Variants in RASSF3 observed in about 807,000 individuals in gnomAD.
RASSF3 encodes the protein Ras association domain family member 3, also known as ras association domain-containing protein 3.
RASSF3 carries 19 observed loss-of-function variants against 19.9 expected under a neutral mutation model. That is an observed-to-expected ratio of 0.96 (90% CI 0.67 to 1.40). RASSF3 has a LOEUF of 1.40. Ranked by LOEUF, RASSF3 falls within the 40% of genes most tolerant of loss-of-function variation. RASSF3 has a pLI of 0.00. For synonymous variants in RASSF3, 110 were observed against 104.2 expected (o/e 1.06, Z -0.34); for missense variants, 306 against 289.8 (o/e 1.06, Z -0.41).
In RASSF3 at chr12:64,547,515, G is replaced by A. The variant is rs1422312282; in HGVS notation, c.294+5810G>A. Among the ~76,000 whole-genome samples, 6 of 151,904 alleles carry A rather than the reference G, an allele frequency of 3.9e-5. No homozygotes were observed. In the South Asian group the frequency reaches 1.0e-3, roughly 26 times the overall value. On this transcript the variant is annotated intron_variant, in intron 2 of 5. Coordinates refer to the RASSF3 transcript ENST00000637125. The stretch of plus-strand genomic sequence containing the variant: ...GCAGGAGGCGGAGGTTGCAGTGAGC[G>A]GAGATCATGTCACTGCATTCCAGCC...
chr12:64,632,047 G>A (rs1871185598), intron 1 of RASSF3, among the ~76,000 whole-genome samples: 1 of 152,170 alleles, frequency 6.6e-6, no homozygotes, highest in Non-Finnish European at 1.5e-5. Context: ...GAGTGGAGGA[G>A]AAGTTCAATC....
intron 1 of RASSF3, among the ~76,000 whole-genome samples, chr12:64,674,533 G>A (rs1032650938): frequency 2.0e-5 from 3 of 152,176 alleles, no homozygotes; most frequent in Non-Finnish European, 4.4e-5. Context: ...GTGAGCCGAT[G>A]TGGCCCCACT....
intron 2 of RASSF3, among the ~76,000 whole-genome samples, chr12:64,565,679 C>T (rs370749723): frequency 4.1e-4 from 62 of 152,192 alleles, no homozygotes; most frequent in African/African-American, 1.4e-3. Context: ...CGCCATTGCA[C>T]TCCAGCCTGG....
chr12:64,679,153 C>T (rs2136214340), intron 1 of RASSF3, among the ~76,000 whole-genome samples: 1 of 152,366 alleles, frequency 6.6e-6, no homozygotes, highest in South Asian at 2.1e-4. Context: ...ACCTCTGCCT[C>T]CCAGGTTCAA....
intron 2 of RASSF3, among the ~76,000 whole-genome samples, chr12:64,599,470 T>C (rs189903744): frequency 7.6e-4 from 116 of 152,316 alleles, no homozygotes; most frequent in Middle Eastern, 3.4e-3. Flanking sequence ...ACAATCTCTG[T>C]CACACAAAGA....
At chr12:64,620,553 A>T (rs900627203) in intron 1 of RASSF3, among the ~76,000 whole-genome samples, 2 of 152,212 alleles carry the variant, frequency 1.3e-5, no homozygotes, top group Non-Finnish European at 2.9e-5. Flanking sequence ...ATTTAAACCC[A>T]GGATTATGGA....
At chr12:64,637,334 A>C (rs1871357001) in intron 1 of RASSF3, among the ~76,000 whole-genome samples, 1 of 152,126 alleles carries the variant, frequency 6.6e-6, no homozygotes, top group Admixed American at 6.5e-5. Flanking sequence ...TGTGTTTGAA[A>C]AGTTTAGATT....
intron 1 of RASSF3, among the ~76,000 whole-genome samples, chr12:64,524,972 G>C (rs2141764): frequency 0.67 from 101,430 of 152,064 alleles, 34,074 homozygotes; most frequent in East Asian, 0.79. Context: ...TTGCTCTACA[G>C]CTCTTTGAAA....
chr12:64,537,030 C>T (rs1330296798), intron 1 of RASSF3, among the ~76,000 whole-genome samples: 2 of 152,224 alleles, frequency 1.3e-5, no homozygotes, highest in Non-Finnish European at 2.9e-5. Context: ...TGCTCATCTT[C>T]TTGACTTCTC....
At chr12:64,638,817 G>A (rs982966445) in intron 1 of RASSF3, among the ~76,000 whole-genome samples, 1 of 152,076 alleles carries the variant, frequency 6.6e-6, no homozygotes, top group Non-Finnish European at 1.5e-5. Flanking sequence ...GTTGAACCTT[G>A]ATTTTGAGAT....
chr12:64,665,702 T>C (rs1297226007), intron 1 of RASSF3, among the ~76,000 whole-genome samples: 2 of 152,212 alleles, frequency 1.3e-5, no homozygotes, highest in African/African-American at 4.8e-5. Context: ...TTGCATGTAA[T>C]TAAAAATGGG....
In RASSF3 at chr12:64,620,935, T is replaced by A; in HGVS notation, c.111+10192T>A. On this transcript the variant is annotated intron_variant, in intron 1 of 4. Transcript: ENST00000542104. Reference sequence around the variant, plus strand: ...TTAATTTACATTCCTTTATTATTATTTTTTAAATTATTATTTTTTGAGGTG... The same window carrying A: ...TTAATTTACATTCCTTTATTATTATATTTTAAATTATTATTTTTTGAGGTG... 2.0e-5 allele frequency among the ~76,000 whole-genome samples: 3 copies of A among 152,302 alleles called. No homozygotes were observed. In the South Asian group the frequency reaches 6.2e-4, roughly 32 times the overall value.
intron 2 of RASSF3, among the ~76,000 whole-genome samples, chr12:64,549,339 G>T (rs574694396): frequency 1.3e-5 from 2 of 152,196 alleles, no homozygotes; most frequent in East Asian, 1.9e-4. Context: ...TCTCTAAAAA[G>T]AATTTTTAAA....
chr12:64,661,391 G>T (rs1472357043), intron 1 of RASSF3, among the ~76,000 whole-genome samples: 4 of 152,102 alleles, frequency 2.6e-5, no homozygotes, highest in African/African-American at 9.7e-5. Flanking sequence ...AGGCTGAGAT[G>T]GGAGGATCAC....
At chr12:64,665,171 G>A (rs1872505817) in intron 1 of RASSF3, among the ~76,000 whole-genome samples, 1 of 152,190 alleles carries the variant, frequency 6.6e-6, no homozygotes, top group Non-Finnish European at 1.5e-5. Flanking sequence ...ATCTGGGTTA[G>A]AATCTCAGTG....
intron 2 of RASSF3, among the ~76,000 whole-genome samples, chr12:64,561,361 A>G (rs1869344100): frequency 6.6e-6 from 1 of 152,246 alleles, no homozygotes; most frequent in Non-Finnish European, 1.5e-5. Context: ...TTCCCAAGGC[A>G]CATGCATTTC....
chr12:64,611,009 G>A (rs1174920202), intron 1 of RASSF3, among the ~76,000 whole-genome samples: 3 of 152,128 alleles, frequency 2.0e-5, no homozygotes, highest in African/African-American at 7.2e-5. Flanking sequence ...CTGCAGCTCC[G>A]CCTCGGGCTG....
At chr12:64,509,800 T>G (rs1403376854) in intron 1 of RASSF3, among the ~76,000 whole-genome samples, 1 of 152,060 alleles carries the variant, frequency 6.6e-6, no homozygotes, top group African/African-American at 2.4e-5. Flanking sequence ...GAAAGATTTT[T>G]GTTGAGGCCA....
At chr12:64,618,418 C>T (rs1212811762) in intron 1 of RASSF3, among the ~76,000 whole-genome samples, 1 of 152,130 alleles carries the variant, frequency 6.6e-6, no homozygotes, top group Non-Finnish European at 1.5e-5. Flanking sequence ...CCTCCACCTC[C>T]TGGGTTCAAG....
Sources: allele counts gnomAD v4.1 joint callset (sites outside exome capture counted in the v4.1 genomes callset), GRCh38; gene constraint gnomAD v4.1.1; transcripts MANE v1.5; gene names NCBI Gene and HGNC (gene_info 2026-07-23, HGNC 2026-07-21).